KIF26B: variants seen among roughly 807,000 people sequenced by gnomAD.
The protein encoded by KIF26B is kinesin family member 26B.
In KIF26B, 63 loss-of-function variants were observed where a neutral mutation model predicts 151.2. That is an observed-to-expected ratio of 0.42 (90% CI 0.34 to 0.51). The LOEUF (loss-of-function observed/expected upper bound fraction) is 0.51. KIF26B is among the 20% of genes least tolerant of loss of function. The probability of loss-of-function intolerance (pLI) is 0.07; values close to 1 mark genes in which losing one functional copy is unlikely to be tolerated. For missense variants in KIF26B, 2,813 were observed against 2,913.6 expected (o/e 0.97, Z 0.79); for synonymous variants, 1,357 against 1,262.1 (o/e 1.08, Z -1.59).
At position 245,477,758 on chromosome 1, in the gene KIF26B, C is replaced by T. The variant is rs116059233; in HGVS notation, c.1166+58013C>T. On this transcript the variant is annotated intron_variant, in intron 4 of 14. Transcript: ENST00000407071. ...AGTCCAGGTTGGCTGGAAAAGAGAC[C>T]GAATGGTAGCAGAGCAAGTCGGGGA... Among the ~76,000 whole-genome samples, 554 of 151,728 alleles carry T rather than the reference C, an allele frequency of 3.7e-3. 8 individuals carry two copies. Among genetic ancestry groups the T allele is most frequent in the African/African-American group, 0.013 (529 of 41,470 alleles).
intron 4 of KIF26B, among the ~76,000 whole-genome samples, chr1:245,474,527 T>C (rs984627951): frequency 2.0e-5 from 3 of 150,762 alleles, no homozygotes; most frequent in African/African-American, 7.3e-5. Context: ...TTCTCCTGCC[T>C]CAGCCTCCCG....
chr1:245,507,814 C>G (rs1660754257), intron 4 of KIF26B, among the ~76,000 whole-genome samples: 1 of 152,140 alleles, frequency 6.6e-6, no homozygotes, highest in South Asian at 2.1e-4. Flanking sequence ...GATGTTTTGA[C>G]AACATCTGTT....
Position 245,666,913 on chromosome 1 carries a change from T to G in KIF26B, c.2259-17320T>G, listed in dbSNP as rs552174485. ...GGGTCTGAGTGGCTTGGCCAGAGTC[T>G]TGGCCTCAAATTGAGGGCACAGCAG... is the stretch of plus-strand genomic sequence containing the variant. On this transcript the variant is annotated intron_variant, in intron 10 of 14. Coordinates refer to ENST00000407071, the MANE Select transcript of KIF26B (RefSeq NM_018012.4). Among the ~76,000 whole-genome samples, 50 of 152,280 alleles carry G rather than the reference T, an allele frequency of 3.3e-4. No individual in the cohort carries two copies. The South Asian group carries it at 9.7e-3, about 30-fold the overall frequency.
intron 2 of KIF26B, among the ~76,000 whole-genome samples, chr1:245,208,041 C>G (rs985657054): frequency 3.9e-5 from 6 of 152,134 alleles, no homozygotes; most frequent in Non-Finnish European, 7.3e-5. Flanking sequence ...GTTCCCTTTT[C>G]CAGCAGATTT....
intron 5 of KIF26B, among the ~76,000 whole-genome samples, chr1:245,543,986 C>T (rs1042492133): frequency 6.6e-6 from 1 of 151,918 alleles, no homozygotes; most frequent in Non-Finnish European, 1.5e-5. Flanking sequence ...GAGAAGTTGC[C>T]AAGACCCTGC....
At chr1:245,342,752 C>CA (rs985245714) in intron 2 of KIF26B, among the ~76,000 whole-genome samples, 4 of 152,058 alleles carry the variant, frequency 2.6e-5, no homozygotes, top group Non-Finnish European at 4.4e-5. Flanking sequence ...ATGGAGACGT[C>CA]AACCTGACAT....
intron 5 of KIF26B, among the ~76,000 whole-genome samples, chr1:245,568,223 C>G (rs1450671760): frequency 7.7e-6 from 1 of 129,324 alleles, no homozygotes; most frequent in Non-Finnish European, 1.6e-5. Context: ...AAGAAGCTCT[C>G]AAAGGGCCTG....
At chr1:245,254,525 A>C (rs566280814) in intron 2 of KIF26B, among the ~76,000 whole-genome samples, 1 of 152,360 alleles carries the variant, frequency 6.6e-6, no homozygotes, top group South Asian at 2.1e-4. Flanking sequence ...ATCCTGGCTG[A>C]AATGATGAGC....
In KIF26B at chr1:245,156,469, C is replaced by T. The variant is rs1668435230; in HGVS notation, c.251C>T (p.Ser84Phe). The T allele has an allele frequency of 7.2e-6, 11 of 1,525,778 alleles. No homozygotes were observed. The highest frequency in any genetic ancestry group is 2.5e-5 in the East Asian group (1 of 39,690). 94.5% of individuals were successfully genotyped at this position (1,525,778 alleles called of 1,614,324 possible). ...TCGTCCCCGAGCTCGTTCACCGGCT[C>T]CCCGGGACCCGCCTCCCCCGGCATC... is the stretch of plus-strand genomic sequence containing the variant. ...GTSSPSSFTG[S>F]PGPASPGIGT... Residue 84 changes from serine (S) to phenylalanine (F), a missense_variant, in exon 2 of 15, where the codon TCC becomes TTC. Physicochemically the swap from Ser to Phe is radical, Grantham distance 155. Around this residue, in one of 3 missense-constraint regions of KIF26B, gnomAD observed 676 missense variants for 688.1 expected, o/e 0.98. Transcript: ENST00000407071.
chr1:245,609,159 C>T, intron 7 of KIF26B, 107 bp from the exon 8 acceptor site: 2 of 1,057,582 alleles, frequency 1.9e-6, no homozygotes, highest in Non-Finnish European at 1.3e-6. Flanking sequence ...TCCCTTTTCC[C>T]CCCTTCCCTG....
At chr1:245,291,076 A>G (rs1341091817) in intron 2 of KIF26B, among the ~76,000 whole-genome samples, 3 of 152,286 alleles carry the variant, frequency 2.0e-5, no homozygotes, top group East Asian at 3.9e-4. Flanking sequence ...TCAAGTGGCA[A>G]CTGGGCAGGG....
At chr1:245,222,721 T>G (rs1343563632) in intron 2 of KIF26B, among the ~76,000 whole-genome samples, 5 of 150,822 alleles carry the variant, frequency 3.3e-5, no homozygotes, top group African/African-American at 9.7e-5. Context: ...AACAATAGAG[T>G]TTTTCACACA....
chr1:245,211,703 A>T (rs541552038), intron 2 of KIF26B, among the ~76,000 whole-genome samples: 4 of 152,328 alleles, frequency 2.6e-5, no homozygotes, highest in Admixed American at 1.3e-4. Context: ...TGGCCTCATG[A>T]TAACTTTTTA....
intron 12 of KIF26B, among the ~76,000 whole-genome samples, chr1:245,691,449 A>T (rs920878462): frequency 1.3e-5 from 2 of 152,236 alleles, no homozygotes; most frequent in African/African-American, 4.8e-5. Context: ...GCTGCTGTAG[A>T]TCCAGGCTCC....
chr1:245,256,469 G>T lies in KIF26B; in HGVS notation c.465+99786G>T, dbSNP rs182955871. 3.9e-4 allele frequency among the ~76,000 whole-genome samples: 60 copies of T among 152,336 alleles called. No homozygotes were observed. The East Asian group carries it at 0.011, about 27-fold the overall frequency. The stretch of plus-strand genomic sequence containing the variant: ...AGGCCAAGGTTAGCCCTTGAGGGCT[G>T]CAGTGCTGAGGTCCTGTGTCCTTGC... On this transcript the variant is annotated intron_variant, in intron 2 of 14. Transcript: ENST00000407071.
chr1:245,548,091 T>C (rs1040876367), intron 5 of KIF26B, among the ~76,000 whole-genome samples: 4 of 152,196 alleles, frequency 2.6e-5, no homozygotes, highest in Admixed American at 6.5e-5. Flanking sequence ...GGCACTGATA[T>C]GTGTACATAT....
Position 245,705,059 on chromosome 1 carries a change from G to C in KIF26B, c.*2453G>C, listed in dbSNP as rs375044840. On this transcript the variant is annotated 3_prime_UTR_variant, in exon 15 of 15. Coordinates refer to ENST00000407071, the MANE Select transcript of KIF26B (RefSeq NM_018012.4). ...GGACTGAAACCGATGGAATCCTTCC[G>C]AGGGGAGTGGCATTCGGCTTGCCTC... 2 of 152,186 alleles carry C rather than the reference G, an allele frequency of 1.3e-5. No individual in the cohort carries two copies. The highest frequency in any genetic ancestry group is 4.8e-5 in the African/African-American group (2 of 41,442). The allele number at this position is 152,186 out of a possible 1,614,324, so 9.4% of individuals were successfully genotyped here.
chr1:245,186,981 A>T (rs1030239289), intron 2 of KIF26B, among the ~76,000 whole-genome samples: 2 of 151,980 alleles, frequency 1.3e-5, no homozygotes, highest in Non-Finnish European at 1.5e-5. Flanking sequence ...CTCAGCTTCC[A>T]GAGTAGCTGG....
chr1:245,200,499 A>G (rs185628196), intron 2 of KIF26B, among the ~76,000 whole-genome samples: 77 of 152,358 alleles, frequency 5.1e-4, no homozygotes, highest in Non-Finnish European at 9.4e-4. Context: ...GAATGTGTCA[A>G]TATCTTTGTA....
Sources: allele counts gnomAD v4.1 joint callset (sites outside exome capture counted in the v4.1 genomes callset), GRCh38; gene constraint gnomAD v4.1.1; regional missense constraint gnomAD v4.1.1; transcripts MANE v1.5; gene names NCBI Gene and HGNC (gene_info 2026-07-23, HGNC 2026-07-21).